The following DPP10 variants were observed in gnomAD, a reference collection of about 807,000 sequenced individuals.
DPP10 encodes the protein inactive dipeptidyl peptidase 10.
Under a neutral mutation model 120.9 loss-of-function variants are expected in DPP10, and 33 were observed. The observed-to-expected ratio is 0.27, with a 90% confidence interval of 0.21 to 0.37. DPP10 has a LOEUF of 0.37. DPP10 is among the 10% of genes least tolerant of loss of function. The probability of loss-of-function intolerance (pLI) is 1.00; values close to 1 mark genes in which losing one functional copy is unlikely to be tolerated. For synonymous variants in DPP10, 337 were observed against 326.1 expected, an observed-to-expected ratio of 1.03 and a Z score of -0.36; for missense variants, 816 against 942.8, an observed-to-expected ratio of 0.87 and a Z score of 1.76.
intron 1 of DPP10, among the ~76,000 whole-genome samples, chr2:114,507,031 CT>C (rs561226485): frequency 2.0e-5 from 3 of 148,036 alleles, no homozygotes; most frequent in East Asian, 2.0e-4. Context: ...ATTCAGTTTT[CT>C]TTTTTTTCTT....
chr2:115,009,691 G>A (rs1308618042), intron 1 of DPP10, among the ~76,000 whole-genome samples: 5 of 151,888 alleles, frequency 3.3e-5, no homozygotes, highest in Non-Finnish European at 5.9e-5. Context: ...CGGGTTGATG[G>A]GTGCAGCAAA....
chr2:115,216,279 C>T lies in DPP10; in HGVS notation c.61-92960C>T, dbSNP rs561592679. ...ACGATGTAACCCGGTAACAAAACTG[C>T]GCTGGCACACCCTGAATCTATAACA... On this transcript the variant is annotated intron_variant, in intron 1 of 25. Coordinates refer to ENST00000410059, the MANE Select transcript of DPP10 (RefSeq NM_020868.6). 7.9e-5 allele frequency among the ~76,000 whole-genome samples: 12 copies of T among 152,056 alleles called. No individual in the cohort carries two copies. In the East Asian group the frequency reaches 1.4e-3, roughly 17 times the overall value.
intron 1 of DPP10, among the ~76,000 whole-genome samples, chr2:114,800,096 A>G (rs977070970): frequency 1.7e-4 from 26 of 152,244 alleles, no homozygotes; most frequent in African/African-American, 5.3e-4. Context: ...CAATGCATAA[A>G]TGATGTAAGC....
intron 3 of DPP10, among the ~76,000 whole-genome samples, chr2:115,485,621 G>C (rs1308553728): frequency 6.6e-6 from 1 of 151,960 alleles, no homozygotes; most frequent in Non-Finnish European, 1.5e-5. Context: ...TTGGATTACA[G>C]TGATCAATCT....
At chr2:115,304,058 C>T (rs544121198) in intron 1 of DPP10, among the ~76,000 whole-genome samples, 1 of 151,972 alleles carries the variant, frequency 6.6e-6, no homozygotes, top group Non-Finnish European at 1.5e-5. Context: ...GCATAAATGT[C>T]TTTGAACTAT....
chr2:114,662,295 A>T (rs1251629462), intron 1 of DPP10, among the ~76,000 whole-genome samples: 2 of 152,222 alleles, frequency 1.3e-5, no homozygotes, highest in Non-Finnish European at 2.9e-5. Flanking sequence ...TCAGAGCGAA[A>T]GTCCAAAATC....
chr2:114,927,716 A>G (rs1163719666), intron 1 of DPP10, among the ~76,000 whole-genome samples: 2 of 152,172 alleles, frequency 1.3e-5, no homozygotes, highest in African/African-American at 2.4e-5. Flanking sequence ...TTGTGTTGCA[A>G]TAAAGGAGTA....
rs1690459940 is a variant in DPP10 at position 115,844,538 on chromosome 2, CTT to C, written c.*2195_*2196del. On this transcript the variant is annotated 3_prime_UTR_variant, in exon 26 of 26. Coordinates refer to ENST00000410059, the MANE Select transcript of DPP10 (RefSeq NM_020868.6). Reference sequence around the variant, plus strand: ...GTAGAAAATGTTAATCCCTGCGATTCTTTGAGTTTTAATGACAGGGTCATTTT... The same window carrying C: ...GTAGAAAATGTTAATCCCTGCGATTCTGAGTTTTAATGACAGGGTCATTTT... 1 of 152,196 alleles carries C rather than the reference CTT, an allele frequency of 6.6e-6. No individual in the cohort carries two copies. The highest frequency in any genetic ancestry group is 1.5e-5 in the Non-Finnish European group (1 of 68,002). The allele number at this position is 152,196 out of a possible 1,614,324, so 9.4% of individuals were successfully genotyped here.
At chr2:114,585,193 G>C (rs1397345362) in intron 1 of DPP10, among the ~76,000 whole-genome samples, 1 of 152,154 alleles carries the variant, frequency 6.6e-6, no homozygotes, top group African/African-American at 2.4e-5. Context: ...CTAGGGAAGA[G>C]ACCGCTTCCA....
intron 13 of DPP10, among the ~76,000 whole-genome samples, chr2:115,772,886 T>C (rs1681647703): frequency 6.6e-6 from 1 of 152,178 alleles, no homozygotes; most frequent in South Asian, 2.1e-4. Flanking sequence ...AATGGCCCTG[T>C]CACCTTCTAA....
Position 114,608,087 on chromosome 2 carries a change from C to T in DPP10, c.60+165249C>T, listed in dbSNP as rs547558844. Among the ~76,000 whole-genome samples, 23 of 152,340 alleles carry T rather than the reference C, an allele frequency of 1.5e-4. No individual in the cohort carries two copies. In the South Asian group the frequency reaches 4.8e-3, roughly 32 times the overall value. ...TCTTCCTAAAGCCCTGGTCATTACT[C>T]CGTAACTCTCCAAACACAAGTATTT... On this transcript the variant is annotated intron_variant, in intron 1 of 25. Coordinates refer to ENST00000410059, the MANE Select transcript of DPP10 (RefSeq NM_020868.6).
chr2:115,416,148 C>T (rs557830858), intron 3 of DPP10, among the ~76,000 whole-genome samples: 5 of 152,012 alleles, frequency 3.3e-5, no homozygotes, highest in African/African-American at 1.2e-4. Flanking sequence ...AGATGCACTG[C>T]AGAATATGTT....
rs1196799531 is a variant in DPP10, at chr2:114,777,427, G to A, written c.60+334589G>A. ...GGGCCCTTTTTTGAGTATTACTTTT[G>A]GATATATTATTCCTACTAAATTATA... is the stretch of plus-strand genomic sequence containing the variant. On this transcript the variant is annotated intron_variant, in intron 1 of 25. Transcript: ENST00000410059. 1.3e-5 allele frequency among the ~76,000 whole-genome samples: 2 copies of A among 150,410 alleles called. 1 individual carries two copies. The highest frequency in any genetic ancestry group is 3.9e-4 in the East Asian group (2 of 5,162).
intron 1 of DPP10, among the ~76,000 whole-genome samples, chr2:114,954,687 A>T (rs1449446692): frequency 6.6e-6 from 1 of 152,136 alleles, no homozygotes; most frequent in African/African-American, 2.4e-5. Flanking sequence ...GTCTGAAAAG[A>T]TAAACCAAGT....
At chr2:115,266,781 A>T (rs1224818765) in intron 1 of DPP10, among the ~76,000 whole-genome samples, 1 of 152,224 alleles carries the variant, frequency 6.6e-6, no homozygotes, top group Non-Finnish European at 1.5e-5. Flanking sequence ...ATTTCAAAAG[A>T]CTAAATAGCA....
At chr2:114,996,768 A>C (rs1186187923) in intron 1 of DPP10, among the ~76,000 whole-genome samples, 1 of 151,742 alleles carries the variant, frequency 6.6e-6, no homozygotes, top group Non-Finnish European at 1.5e-5. Context: ...CAGATCACGA[A>C]GTCAGGAGAT....
intron 3 of DPP10, among the ~76,000 whole-genome samples, chr2:115,384,195 TA>T (rs2066671319): frequency 2.0e-5 from 3 of 152,100 alleles, no homozygotes; most frequent in Admixed American, 2.0e-4. Flanking sequence ...GAGTTCCTCT[TA>T]TGCAAGGTGA....
At chr2:114,744,014 T>C (rs1439071271) in intron 1 of DPP10, among the ~76,000 whole-genome samples, 1 of 152,154 alleles carries the variant, frequency 6.6e-6, no homozygotes. Context: ...AAAGGATACT[T>C]CCCAGCAATG....
intron 1 of DPP10, among the ~76,000 whole-genome samples, chr2:114,670,748 A>G (rs1408858208): frequency 3.3e-5 from 5 of 152,178 alleles, no homozygotes; most frequent in African/African-American, 1.2e-4. Context: ...ATCATAAAGA[A>G]CAAGTTGTAT....
Sources: gnomAD v4.1 joint callset for allele counts (sites outside exome capture counted in the v4.1 genomes callset) on GRCh38, gnomAD v4.1.1 for gene constraint, MANE v1.5 for transcripts, NCBI Gene and HGNC (gene_info 2026-07-23, HGNC 2026-07-21) for gene names.